Variants in CALD1 observed in about 807,000 individuals in gnomAD.
CALD1 encodes the protein caldesmon.
A neutral mutation model predicts 99.9 loss-of-function variants in CALD1; 33 were observed. The observed-to-expected ratio is 0.33, with a 90% CI of 0.25 to 0.44. The LOEUF (loss-of-function observed/expected upper bound fraction) is 0.44, where lower values mean the gene tolerates loss of function less well. CALD1 is among the 20% of genes least tolerant of loss of function. CALD1 has a pLI of 1.00. For missense variants in CALD1, 861 were observed against 962.1 expected, an observed-to-expected ratio of 0.89 and a Z score of 1.39; for synonymous variants, 310 against 325.0, an observed-to-expected ratio of 0.95 and a Z score of 0.50.
intron 7 of CALD1, among the ~76,000 whole-genome samples, chr7:134,946,066 G>A (rs768783254): frequency 3.9e-5 from 6 of 152,080 alleles, no homozygotes; most frequent in Admixed American, 1.3e-4. Context: ...AGTAACTTAC[G>A]GGAAAGGACT....
the CALD1 span, among the ~76,000 whole-genome samples, chr7:134,727,944 T>G: frequency 6.6e-6 from 1 of 152,208 alleles, no homozygotes; most frequent in African/African-American, 2.4e-5. Flanking sequence ...CAGACATATT[T>G]GAGGTTTATG....
chr7:134,785,646 G>C (rs1166007126), intron 1 of CALD1, among the ~76,000 whole-genome samples: 3 of 152,146 alleles, frequency 2.0e-5, no homozygotes, highest in Non-Finnish European at 4.4e-5. Context: ...TTGGGAACTT[G>C]TGCTCTGTTC....
At chr7:134,918,045 G>C (rs916767145) in intron 3 of CALD1, among the ~76,000 whole-genome samples, 1 of 152,202 alleles carries the variant, frequency 6.6e-6, no homozygotes, top group African/African-American at 2.4e-5. Flanking sequence ...GGTAGATGGG[G>C]TGGTGCAAAT....
intron 3 of CALD1, among the ~76,000 whole-genome samples, chr7:134,888,760 AAGAC>A (rs1415169409): frequency 6.6e-6 from 1 of 152,190 alleles, no homozygotes; most frequent in African/African-American, 2.4e-5. Flanking sequence ...TCACAAACTG[AAGAC>A]AGACAGCTGC....
rs1048900982 is a variant in CALD1, at chr7:134,935,584, AT to A, written c.1309-103del. On this transcript the variant is annotated intron_variant, in intron 5 of 14. Transcript: ENST00000361675. ...GCGCTGAGACGGCAGAAGAGAAGCCATCCCACGCAGCACTTGCAAGGCGATC... is the reference window on the plus strand; with the variant it reads ...GCGCTGAGACGGCAGAAGAGAAGCCACCCACGCAGCACTTGCAAGGCGATC... 2.7e-6 allele frequency: 4 copies of A among 1,500,788 alleles called. No individual in the cohort carries two copies. The African/African-American group carries it at 5.7e-5, about 21-fold the overall frequency. 93.0% of individuals were successfully genotyped at this position (1,500,788 alleles called of 1,614,324 possible). A position where few individuals can be genotyped will look rare whatever the true frequency, so the allele number is the denominator to read the frequency against.
chr7:134,961,599 T>A (rs1808268565), intron 13 of CALD1: 1 of 152,244 alleles, frequency 6.6e-6, no homozygotes, highest in South Asian at 2.1e-4. Flanking sequence ...TCACAAATCC[T>A]TCTTGGGCAC....
intron 2 of CALD1, 150 bp from the exon 3 acceptor site, chr7:134,867,543 A>C (rs1359644859): frequency 1.0e-5 from 4 of 400,962 alleles, no homozygotes; most frequent in Non-Finnish European, 1.8e-5. Flanking sequence ...TCGGCTCAGG[A>C]GTCAGAAATT....
chr7:134,784,851 G>C (rs926802089), intron 1 of CALD1, among the ~76,000 whole-genome samples: 2 of 152,134 alleles, frequency 1.3e-5, no homozygotes, highest in African/African-American at 4.8e-5. Context: ...TCAGCTCAGC[G>C]CACGTGTCTG....
chr7:134,865,715 A>T (rs1800774318), intron 2 of CALD1, among the ~76,000 whole-genome samples: 1 of 152,126 alleles, frequency 6.6e-6, no homozygotes, highest in Non-Finnish European at 1.5e-5. Flanking sequence ...GTATTCCAAG[A>T]CACTGCCCGG....
At chr7:134,859,571 T>C (rs1175675069) in intron 2 of CALD1, among the ~76,000 whole-genome samples, 2 of 152,242 alleles carry the variant, frequency 1.3e-5, no homozygotes, top group Non-Finnish European at 2.9e-5. Flanking sequence ...CAAGTTGGTT[T>C]AGAAATTAGT....
chr7:134,727,092 C>T, the CALD1 span, among the ~76,000 whole-genome samples: 1 of 152,190 alleles, frequency 6.6e-6, no homozygotes, highest in African/African-American at 2.4e-5. Context: ...GGAAATGAGC[C>T]TTCCACTTCT....
At chr7:134,930,390 C>T (rs1327576469) in intron 4 of CALD1, among the ~76,000 whole-genome samples, 1 of 152,092 alleles carries the variant, frequency 6.6e-6, no homozygotes, top group African/African-American at 2.4e-5. Flanking sequence ...AAACCATGGA[C>T]TGATTATAAT....
chr7:134,749,519 T>C (rs1388255041), intron 1 of CALD1, among the ~76,000 whole-genome samples: 7 of 152,214 alleles, frequency 4.6e-5, no homozygotes, highest in Non-Finnish European at 8.8e-5. Context: ...CTTGGGAGGC[T>C]GAGGCAGGAG....
intron 1 of CALD1, among the ~76,000 whole-genome samples, chr7:134,819,030 A>C (rs1798667922): frequency 6.6e-6 from 1 of 152,218 alleles, no homozygotes; most frequent in Non-Finnish European, 1.5e-5. Context: ...CCAAAATCCC[A>C]GACTAATTTC....
intron 1 of CALD1, among the ~76,000 whole-genome samples, chr7:134,815,291 G>C (rs10256549): frequency 0.044 from 6,726 of 152,212 alleles, 482 homozygotes; most frequent in African/African-American, 0.15. Context: ...GTATGTCTGT[G>C]ACACAAAGAA....
At chr7:134,886,634 C>G (rs981127450) in intron 3 of CALD1, among the ~76,000 whole-genome samples, 1 of 152,276 alleles carries the variant, frequency 6.6e-6, no homozygotes, top group East Asian at 1.9e-4. Context: ...GGCGTCTAGC[C>G]TAGAAAAGAC....
At chr7:134,913,782 A>G (rs1393181129) in intron 3 of CALD1, among the ~76,000 whole-genome samples, 2 of 152,242 alleles carry the variant, frequency 1.3e-5, no homozygotes, top group Non-Finnish European at 2.9e-5. Context: ...CAAAACAGCC[A>G]TAGATGATAG....
intron 3 of CALD1, among the ~76,000 whole-genome samples, chr7:134,904,664 T>A (rs1212888105): frequency 6.6e-6 from 1 of 152,078 alleles, no homozygotes; most frequent in Admixed American, 6.6e-5. Context: ...GTAAAAAACC[T>A]GTATAAAACC....
chr7:134,786,310 T>C (rs1797304181), intron 1 of CALD1, among the ~76,000 whole-genome samples: 1 of 152,242 alleles, frequency 6.6e-6, no homozygotes, highest in African/African-American at 2.4e-5. Flanking sequence ...AAAATGCTAA[T>C]TTATTTAAAA....
Sources: allele counts gnomAD v4.1 joint callset (sites outside exome capture counted in the v4.1 genomes callset), GRCh38; gene constraint gnomAD v4.1.1; transcripts MANE v1.5; gene names NCBI Gene and HGNC (gene_info 2026-07-23, HGNC 2026-07-21).